Variants in ZFP14 observed in about 807,000 individuals in gnomAD.
The protein encoded by ZFP14 is ZFP14 zinc finger protein, also known as zinc finger protein 14 homolog.
In ZFP14, 22 loss-of-function variants were observed where a neutral mutation model predicts 54.5. The ratio of observed to expected loss-of-function variants is 0.40; its 90% CI spans 0.29 to 0.58. The LOEUF is 0.58. Among genes scored for constraint, ZFP14 ranks in the 20% least tolerant of loss-of-function variants. The probability of loss-of-function intolerance (pLI) is 0.39; values close to 1 mark genes in which losing one functional copy is unlikely to be tolerated. For missense variants in ZFP14, 470 were observed against 637.8 expected (o/e 0.74, Z 2.83); for synonymous variants, 159 against 204.0 (o/e 0.78, Z 1.88).
intron 4 of ZFP14, among the ~76,000 whole-genome samples, chr19:36,349,785 C>T (rs2031494057): frequency 6.7e-6 from 1 of 150,224 alleles, no homozygotes; most frequent in Admixed American, 6.7e-5. Context: ...ACAGCTTAGA[C>T]TTAGCACAAG....
At position 36,341,276 on chromosome 19, in the gene ZFP14, G is replaced by A. The variant is rs199675382; in HGVS notation, c.550C>T (p.Arg184Cys). Residue 184 changes from arginine (R) to cysteine (C), a missense_variant, in exon 5 of 5, where the codon CGC becomes TGC. Arg to Cys is a radical substitution (Grantham distance 180). Coordinates refer to ENST00000270001, the MANE Select transcript of ZFP14 (RefSeq NM_020917.3). The surrounding 1 kb of genome is among the most constrained non-coding windows in gnomAD (Gnocchi z 4.2). ...CTCAGGTGTTGACTAAGTGTTGAGC[G>A]ACGAATAAAGGTCTTCCTACACTCC... Reference protein sequence around the residue: ...CKECRKTFIRRSTLSQHLRIH... With the variant: ...CKECRKTFIRCSTLSQHLRIH... 6.9e-5 allele frequency: 112 copies of A among 1,613,990 alleles called. No individual in the cohort carries two copies. Among genetic ancestry groups the A allele is most frequent in the Non-Finnish European group, 8.6e-5 (102 of 1,180,030 alleles).
intron 1 of ZFP14, among the ~76,000 whole-genome samples, chr19:36,375,654 T>C (rs2031949943): frequency 6.6e-6 from 1 of 151,140 alleles, no homozygotes; most frequent in Non-Finnish European, 1.5e-5. Flanking sequence ...GCCTCCCGGG[T>C]TCACGCCATT....
intron 4 of ZFP14, among the ~76,000 whole-genome samples, chr19:36,344,886 G>A (rs1043288289): frequency 6.6e-6 from 1 of 152,074 alleles, no homozygotes; most frequent in Admixed American, 6.6e-5. Flanking sequence ...AAAAAGGTAG[G>A]GACTGCTACT....
chr19:36,371,846 T>A (rs2031881316), intron 1 of ZFP14, among the ~76,000 whole-genome samples: 1 of 151,898 alleles, frequency 6.6e-6, no homozygotes, highest in Admixed American at 6.6e-5. Context: ...TAGTTCCAGC[T>A]ACATGGGCGG....
chr19:36,379,003 T>C (rs2032007323), intron 1 of ZFP14, among the ~76,000 whole-genome samples, 160 bp downstream of exon 1: 1 of 152,186 alleles, frequency 6.6e-6, no homozygotes, highest in Admixed American at 6.5e-5. Context: ...CCGCTGGACC[T>C]GGGCGGCTCT....
At position 36,341,389 on chromosome 19, in the gene ZFP14, G is replaced by C. The variant is rs774887624; in HGVS notation, c.437C>G (p.Thr146Ser). The C allele has an allele frequency of 1.7e-5, 28 of 1,613,776 alleles. No individual in the cohort carries two copies. The highest frequency in any genetic ancestry group is 2.3e-5 in the Non-Finnish European group (27 of 1,179,938). Residue 146 changes from threonine (T) to serine (S), a missense_variant, in exon 5 of 5, where the codon ACC becomes AGC. Thr to Ser is a moderately conservative substitution (Grantham distance 58). Transcript: ENST00000270001. The surrounding 1 kb of genome is among the most constrained non-coding windows in gnomAD (Gnocchi z 4.2). ...TTTGTAAGTGGTCATTTTTTCAGAG[G>C]TAATTTTCACTTGCCCAAAATATCC... ...QEGYFGQVKI[T>S]SEKMTTYKRH...
intron 4 of ZFP14, among the ~76,000 whole-genome samples, chr19:36,351,083 C>G (rs1368333887): frequency 7.0e-6 from 1 of 143,514 alleles, no homozygotes; most frequent in Non-Finnish European, 1.5e-5. Flanking sequence ...AAAAGCAATG[C>G]AATGCAGAAA....
chr19:36,364,988 CTTTTTCTTTTTTTTTTTT>C (rs2031769757), intron 2 of ZFP14, among the ~76,000 whole-genome samples: 4 of 97,814 alleles, frequency 4.1e-5, no homozygotes, highest in Non-Finnish European at 8.4e-5. Flanking sequence ...TTTCCTTTTT[CTTTTTCTTTTTTTTTTTT>C]TTTTTTTTTT....
Position 36,341,298 on chromosome 19 carries a change from C to A in ZFP14, c.528G>T (p.Glu176Asp). 6.2e-7 allele frequency: 1 copy of A among 1,614,218 alleles called. No individual in the cohort carries two copies. The highest frequency in any genetic ancestry group is 8.5e-7 in the Non-Finnish European group (1 of 1,180,046). Residue 176 changes from glutamate to aspartate, a missense_variant, in exon 5 of 5, where the codon GAG becomes GAT. By Grantham distance (45) the Glu-to-Asp change is conservative (BLOSUM62 2). Transcript: ENST00000270001. This position sits in a 1 kb window ranked among gnomAD's most constrained non-coding sequence, Gnocchi z 4.2. ...AGCGACGAATAAAGGTCTTCCTACA[C>A]TCCTTACACTCATACACCTTTTCTC... is the stretch of plus-strand genomic sequence containing the variant. ...HNGEKVYECK[E>D]CRKTFIRRST...
At chr19:36,371,496 T>C (rs1276503271) in intron 1 of ZFP14, among the ~76,000 whole-genome samples, 1 of 152,066 alleles carries the variant, frequency 6.6e-6, no homozygotes, top group Non-Finnish European at 1.5e-5. Flanking sequence ...GAGGAATGAA[T>C]CTGTAAACCT....
At position 36,341,937 on chromosome 19, in the gene ZFP14, C is replaced by T. The variant is rs188583336; in HGVS notation, c.236-347G>A. ...TGCGATCCCGGCTCACTGAAAGCTCCGCCTCCCGGGTTCACGCCATTCTCC... is the reference window on the plus strand; with the variant it reads ...TGCGATCCCGGCTCACTGAAAGCTCTGCCTCCCGGGTTCACGCCATTCTCC... On this transcript the variant is annotated intron_variant, in intron 4 of 4. Coordinates refer to ENST00000270001, the MANE Select transcript of ZFP14 (RefSeq NM_020917.3). This position sits in a 1 kb window ranked among gnomAD's most constrained non-coding sequence, Gnocchi z 4.2. Among the ~76,000 whole-genome samples the T allele has an allele frequency of 2.6e-4, 40 of 151,676 alleles. No individual in the cohort carries two copies. The highest frequency in any genetic ancestry group is 8.2e-4 in the African/African-American group (34 of 41,350).
intron 4 of ZFP14, among the ~76,000 whole-genome samples, chr19:36,346,178 G>A (rs764230237): frequency 9.9e-5 from 15 of 151,982 alleles, no homozygotes; most frequent in African/African-American, 3.4e-4. Context: ...CCAGCTACTC[G>A]AAAGACTGAG....
rs2031237858 is a variant in ZFP14, at chr19:36,338,025, AGGGTCTCACT to A, written c.*2189_*2198del. ...AAAAAACAAATTTTTTTTTTGAGAC[AGGGTCTCACT>A]CTGTCACCCAGGCTGGAGTGCAGTG... On this transcript the variant is annotated 3_prime_UTR_variant, in exon 5 of 5. Coordinates refer to ENST00000270001, the MANE Select transcript of ZFP14 (RefSeq NM_020917.3). The A allele has an allele frequency of 2.6e-5, 4 of 152,062 alleles. No individual in the cohort carries two copies. Among genetic ancestry groups the A allele is most frequent in the Admixed American group, 2.6e-4 (4 of 15,268 alleles). The allele number at this position is 152,062 out of a possible 1,614,324, so 9.4% of individuals were successfully genotyped here. A position where few individuals can be genotyped will look rare whatever the true frequency, so the allele number is the denominator to read the frequency against.
intron 1 of ZFP14, among the ~76,000 whole-genome samples, chr19:36,375,854 G>A (rs573328916): frequency 2.0e-5 from 3 of 152,090 alleles, no homozygotes; most frequent in Admixed American, 6.6e-5. Context: ...ACCGCGCCCC[G>A]CCTAATTTTT....
In ZFP14 at chr19:36,353,697, CA is replaced by C. The variant is rs35323856; in HGVS notation, c.235+6737del. 1.1e-3 allele frequency among the ~76,000 whole-genome samples: 92 copies of C among 80,850 alleles called. 2 individuals carry two copies. The highest frequency in any genetic ancestry group is 1.6e-3 in the African/African-American group (33 of 20,786). 53.0% of individuals were successfully genotyped at this position (80,850 alleles called of 152,430 possible). ...TGGGTGACAGAGTGAGACTCCATCT[CA>C]AAAAAAAAAAAAAAAAATCAGCTCA... is the stretch of plus-strand genomic sequence containing the variant. On this transcript the variant is annotated intron_variant, in intron 4 of 4. Coordinates refer to ENST00000270001, the MANE Select transcript of ZFP14 (RefSeq NM_020917.3).
intron 1 of ZFP14, among the ~76,000 whole-genome samples, chr19:36,373,277 C>CAA (rs577636762): frequency 1.1e-5 from 1 of 88,126 alleles, no homozygotes. Flanking sequence ...AACTCCGTCT[C>CAA]AAAAAAAAAA....
chr19:36,374,738 GA>G (rs200164445), intron 1 of ZFP14, among the ~76,000 whole-genome samples: 2 of 151,162 alleles, frequency 1.3e-5, no homozygotes, highest in Admixed American at 6.6e-5. Flanking sequence ...TATTTTGACA[GA>G]AAAAAAAATC....
At chr19:36,363,658 G>C (rs945014324) in intron 2 of ZFP14, among the ~76,000 whole-genome samples, 1 of 152,036 alleles carries the variant, frequency 6.6e-6, no homozygotes, top group African/African-American at 2.4e-5. Flanking sequence ...TACAATGCAC[G>C]GGACGGCCCC....
intron 4 of ZFP14, among the ~76,000 whole-genome samples, chr19:36,342,821 A>T (rs576485192): frequency 6.6e-6 from 1 of 152,312 alleles, no homozygotes; most frequent in South Asian, 2.1e-4. Context: ...ATAATAAAGC[A>T]TCATGTAGAA....
Sources: gnomAD v4.1 joint callset for allele counts (sites outside exome capture counted in the v4.1 genomes callset) on GRCh38, gnomAD v4.1.1 for gene constraint, Gnocchi (gnomAD v3.1) non-coding constraint, MANE v1.5 for transcripts, NCBI Gene and HGNC (gene_info 2026-07-23, HGNC 2026-07-21) for gene names.